The following ATP8A1 variants were observed in gnomAD, a reference collection of about 807,000 sequenced individuals.
ATP8A1 encodes ATPase phospholipid transporting 8A1.
ATP8A1 carries 90 observed loss-of-function variants against 177.7 expected under a neutral mutation model. The ratio of observed to expected loss-of-function variants is 0.51; its 90% CI spans 0.43 to 0.60. The LOEUF (loss-of-function observed/expected upper bound fraction) is 0.60, where lower values mean the gene tolerates loss of function less well. Among genes scored for constraint, ATP8A1 ranks in the 20% least tolerant of loss-of-function variants. The pLI is 0.00. For missense variants in ATP8A1, 1,072 were observed against 1,392.8 expected (o/e 0.77, Z 3.67); for synonymous variants, 493 against 485.9 (o/e 1.01, Z -0.19).
chr4:42,553,192 T>G (rs1001807464), intron 16 of ATP8A1, among the ~76,000 whole-genome samples: 2 of 152,196 alleles, frequency 1.3e-5, no homozygotes, highest in African/African-American at 4.8e-5. Context: ...ATAGAAATAG[T>G]ATAGTGAGAA....
At chr4:42,480,006 G>GTGTGTGTGTGTGTGTGTT (rs1553883660) in intron 25 of ATP8A1, among the ~76,000 whole-genome samples, 11 of 149,652 alleles carry the variant, frequency 7.4e-5, no homozygotes, top group South Asian at 4.3e-4. Flanking sequence ...TTGTGTGTGT[G>GTGTGTGTGTGTGTGTGTT]TGTGTGTGTG....
Position 42,590,806 on chromosome 4 carries a change from C to T in ATP8A1, c.524+5G>A. On this transcript the variant is annotated splice_donor_5th_base_variant and intron_variant, in intron 7 of 36. Coordinates refer to ENST00000381668, the MANE Select transcript of ATP8A1 (RefSeq NM_006095.2). ...ACGCATCCTATACGACTCAGTGGTT[C>T]TAACCTTGAGGACAGACTGATGAGA... 6.2e-7 allele frequency: 1 copy of T among 1,613,742 alleles called. No individual in the cohort carries two copies. Among genetic ancestry groups the T allele is most frequent in the East Asian group, 2.2e-5 (1 of 44,866 alleles).
chr4:42,574,385 T>C (rs941452532), intron 14 of ATP8A1, among the ~76,000 whole-genome samples: 1 of 152,122 alleles, frequency 6.6e-6, no homozygotes, highest in Non-Finnish European at 1.5e-5. Context: ...TCAGCAACAC[T>C]AAACACTGAA....
chr4:42,585,507 T>C (rs1340445844), intron 9 of ATP8A1, among the ~76,000 whole-genome samples: 2 of 144,448 alleles, frequency 1.4e-5, no homozygotes, highest in African/African-American at 2.7e-5. Context: ...GCCTCCGCCA[T>C]GTGAAGACAC....
At chr4:42,537,400 A>G (rs1727960068) in intron 20 of ATP8A1, among the ~76,000 whole-genome samples, 1 of 152,048 alleles carries the variant, frequency 6.6e-6, no homozygotes, top group Admixed American at 6.6e-5. Flanking sequence ...TCAACATAAT[A>G]CGGAAGTTCT....
chr4:42,437,583 C>T (rs1397917937), intron 33 of ATP8A1, among the ~76,000 whole-genome samples: 1 of 152,136 alleles, frequency 6.6e-6, no homozygotes, highest in African/African-American at 2.4e-5. Flanking sequence ...AATTGTCTAC[C>T]TTACCCCCAC....
intron 21 of ATP8A1, 87 bp from the exon 22 acceptor site, chr4:42,522,386 T>C (rs1037582917): frequency 2.2e-5 from 33 of 1,507,446 alleles, no homozygotes; most frequent in Non-Finnish European, 2.4e-5. Context: ...CAAAGTCCCA[T>C]TTTGAAAAAA....
At chr4:42,625,960 T>C (rs1738024412) in intron 2 of ATP8A1, 1 of 275,918 alleles carries the variant, frequency 3.6e-6, no homozygotes. Flanking sequence ...GGCCAATTAT[T>C]CTGCTTAACA....
chr4:42,484,935 C>T (rs1236032156), intron 25 of ATP8A1, among the ~76,000 whole-genome samples: 1 of 152,128 alleles, frequency 6.6e-6, no homozygotes, highest in Non-Finnish European at 1.5e-5. Flanking sequence ...GGGAAGATTC[C>T]TTGACAAGAA....
Position 42,599,001 on chromosome 4 carries a change from G to T in ATP8A1, c.450+1477C>A, listed in dbSNP as rs183917643. On this transcript the variant is annotated intron_variant, in intron 6 of 36. Transcript: ENST00000381668. ...ATTGACCTGTGAGATGACTGAAAAT[G>T]CTATTATTATGGGTAATCCTGGCTG... Among the ~76,000 whole-genome samples, 96 of 152,230 alleles carry T rather than the reference G, an allele frequency of 6.3e-4. 1 individual carries two copies. Among genetic ancestry groups the T allele is most frequent in the African/African-American group, 2.1e-3 (87 of 41,546 alleles).
chr4:42,546,243 C>A (rs10938196), intron 19 of ATP8A1, among the ~76,000 whole-genome samples: 11,747 of 151,956 alleles, frequency 0.077, 611 homozygotes, highest in African/African-American at 0.15. Context: ...TGTTCTCGCC[C>A]CGCAGCCATA....
chr4:42,656,730 G>A lies in ATP8A1; in HGVS notation c.49+95C>T, dbSNP rs538081666. The A allele has an allele frequency of 2.5e-4, 328 of 1,335,780 alleles. 1 individual carries two copies. In the East Asian group the frequency reaches 9.1e-3, roughly 37 times the overall value. The allele number at this position is 1,335,780 out of a possible 1,614,324, so 82.7% of individuals were successfully genotyped here. A position where few individuals can be genotyped will look rare whatever the true frequency, so the allele number is the denominator to read the frequency against. Reference sequence around the variant, plus strand: ...ACAGTCGGACTGCCGCCGGGGAAGAGGTAGGATGCGGTCTCTTCCAGGATA... The same window carrying A: ...ACAGTCGGACTGCCGCCGGGGAAGAAGTAGGATGCGGTCTCTTCCAGGATA... On this transcript the variant is annotated intron_variant, in intron 1 of 36. Coordinates refer to ENST00000381668, the MANE Select transcript of ATP8A1 (RefSeq NM_006095.2).
At chr4:42,536,663 T>C (rs1560433035) in intron 20 of ATP8A1, among the ~76,000 whole-genome samples, 1 of 152,146 alleles carries the variant, frequency 6.6e-6, no homozygotes, top group Non-Finnish European at 1.5e-5. Context: ...TACAGACCGA[T>C]ATCCCTGATG....
At chr4:42,645,882 TTAGA>T in intron 1 of ATP8A1, among the ~76,000 whole-genome samples, 1 of 151,982 alleles carries the variant, frequency 6.6e-6, no homozygotes, top group South Asian at 2.1e-4. Context: ...TGGATAAAAC[TTAGA>T]CCCATCTCAT....
At position 42,548,994 on chromosome 4, in the gene ATP8A1, C is replaced by A; in HGVS notation, c.1652+19G>T. 6.3e-7 allele frequency: 1 copy of A among 1,588,152 alleles called. No homozygotes were observed. On this transcript the variant is annotated intron_variant, in intron 19 of 36. Transcript: ENST00000381668. ...ATAAATTTATCTTATCCATACAAAT[C>A]ACTGAGCAGATGTTTTACCTGGTAA...
At chr4:42,648,777 AC>A (rs1223297924) in intron 1 of ATP8A1, among the ~76,000 whole-genome samples, 1 of 152,180 alleles carries the variant, frequency 6.6e-6, no homozygotes, top group Non-Finnish European at 1.5e-5. Flanking sequence ...AAACTTCAAT[AC>A]AAAACTTGAT....
chr4:42,637,295 A>C (rs568791360), intron 1 of ATP8A1: 1 of 491,228 alleles, frequency 2.0e-6, no homozygotes, highest in African/African-American at 2.0e-5. Flanking sequence ...CAGCTGCCCT[A>C]AACAAGCTCT....
At chr4:42,537,118 G>A (rs1483495357) in intron 20 of ATP8A1, among the ~76,000 whole-genome samples, 2 of 145,224 alleles carry the variant, frequency 1.4e-5, no homozygotes, top group Non-Finnish European at 3.0e-5. Context: ...GGCAAAAAGA[G>A]CGAAACTCCG....
chr4:42,557,530 T>C (rs1730366115), intron 15 of ATP8A1, among the ~76,000 whole-genome samples: 1 of 152,254 alleles, frequency 6.6e-6, no homozygotes. Context: ...TCTGAAGATA[T>C]GCCTTATTAA....
Sources: allele counts gnomAD v4.1 joint callset (sites outside exome capture counted in the v4.1 genomes callset), GRCh38; gene constraint gnomAD v4.1.1; transcripts MANE v1.5; gene names NCBI Gene and HGNC (gene_info 2026-07-23, HGNC 2026-07-21).